The following RELN variants were observed in gnomAD, a reference collection of about 807,000 sequenced individuals.
RELN encodes the protein reelin.
In RELN, 108 loss-of-function variants were observed where a neutral mutation model predicts 427.6. The ratio of observed to expected loss-of-function variants is 0.25; its 90% CI spans 0.22 to 0.30. The LOEUF (loss-of-function observed/expected upper bound fraction) is 0.30, where lower values mean the gene tolerates loss of function less well. Among genes scored for constraint, RELN ranks in the 10% least tolerant of loss-of-function variants. The pLI is 1.00. For synonymous variants in RELN, 1,524 were observed against 1,513.4 expected (o/e 1.01, Z -0.16); for missense variants, 3,715 against 4,302.8 (o/e 0.86, Z 3.82).
chr7:103,871,177 C>T (rs541043175), intron 2 of RELN, among the ~76,000 whole-genome samples: 6 of 152,200 alleles, frequency 3.9e-5, no homozygotes, highest in African/African-American at 1.4e-4. Context: ...AAATTTAGTA[C>T]TCAATTAAAG....
intron 2 of RELN, among the ~76,000 whole-genome samples, chr7:103,903,967 G>A (rs1040025974): frequency 2.6e-5 from 4 of 151,758 alleles, no homozygotes; most frequent in Non-Finnish European, 4.4e-5. Flanking sequence ...TAAGCTCCAC[G>A]TACATTAGCT....
intron 3 of RELN, among the ~76,000 whole-genome samples, chr7:103,804,635 A>T (rs1046919457): frequency 6.6e-6 from 1 of 152,208 alleles, no homozygotes; most frequent in Admixed American, 6.5e-5. Flanking sequence ...CAAATTATTT[A>T]TAAGGAATAA....
chr7:103,550,701 T>C (rs530959372), intron 41 of RELN, among the ~76,000 whole-genome samples: 38 of 151,046 alleles, frequency 2.5e-4, no homozygotes, highest in Non-Finnish European at 4.9e-4. Context: ...ATGACAGACA[T>C]AGGCAGGTGT....
chr7:103,707,741 C>A (rs1042409955), intron 8 of RELN, among the ~76,000 whole-genome samples: 37 of 152,252 alleles, frequency 2.4e-4, no homozygotes, highest in African/African-American at 8.7e-4. Flanking sequence ...TTGTGTTCCA[C>A]CCACCTCAGC....
Position 103,743,106 on chromosome 7 carries a change from T to C in RELN, c.656+6320A>G, listed in dbSNP as rs532431763. On this transcript the variant is annotated intron_variant, in intron 6 of 64. Transcript: ENST00000428762. ...AGCCAGAAGAGAGTGGGGGCCAATA[T>C]TCAACATTCTTAAAGAAAAGAATTT... is the stretch of plus-strand genomic sequence containing the variant. 5.5e-4 allele frequency among the ~76,000 whole-genome samples: 83 copies of C among 150,226 alleles called. 2 individuals carry two copies. Among genetic ancestry groups the C allele is most frequent in the African/African-American group, 2.1e-3 (83 of 39,754 alleles).
At chr7:103,516,151 G>A (rs1026877405) in intron 49 of RELN, among the ~76,000 whole-genome samples, 3 of 152,094 alleles carry the variant, frequency 2.0e-5, no homozygotes, top group African/African-American at 4.8e-5. Context: ...TAGAAATAAG[G>A]TCTAAAATGC....
At chr7:103,967,806 C>G (rs1169451242) in intron 1 of RELN, among the ~76,000 whole-genome samples, 1 of 152,200 alleles carries the variant, frequency 6.6e-6, no homozygotes, top group Admixed American at 6.5e-5. Flanking sequence ...CCATTTCCCT[C>G]TCCTTTCCTG....
chr7:103,765,772 A>G (rs1365690378), intron 4 of RELN, among the ~76,000 whole-genome samples: 1 of 152,088 alleles, frequency 6.6e-6, no homozygotes, highest in Non-Finnish European at 1.5e-5. Context: ...ACCCAAAATA[A>G]CTCAATGTAA....
At chr7:103,704,866 C>T (rs1288758208) in intron 8 of RELN, among the ~76,000 whole-genome samples, 1 of 152,146 alleles carries the variant, frequency 6.6e-6, no homozygotes. Context: ...TCAGTTGAAA[C>T]CACTCTTGGC....
At position 103,977,310 on chromosome 7, in the gene RELN, CAAAAAAAAAAAA is replaced by C. The variant is rs201026012; in HGVS notation, c.226+11809_226+11820del. The stretch of plus-strand genomic sequence containing the variant: ...TGGGTGACAGAGTGAGACTCTGTCT[CAAAAAAAAAAAA>C]AAAAAAAAAAAAAAAAATTCCCTGG... On this transcript the variant is annotated intron_variant, in intron 1 of 64. Transcript: ENST00000428762. Among the ~76,000 whole-genome samples the C allele has an allele frequency of 1.2e-4, 11 of 88,276 alleles. 1 individual carries two copies. Among genetic ancestry groups the C allele is most frequent in the South Asian group, 4.4e-4 (1 of 2,270 alleles). 57.9% of individuals were successfully genotyped at this position (88,276 alleles called of 152,430 possible). A position where few individuals can be genotyped will look rare whatever the true frequency, so the allele number is the denominator to read the frequency against.
intron 38 of RELN, among the ~76,000 whole-genome samples, chr7:103,555,606 G>A (rs1215056342): frequency 6.6e-6 from 1 of 152,042 alleles, no homozygotes; most frequent in Non-Finnish European, 1.5e-5. Flanking sequence ...CAAGTAGCTG[G>A]GATTACAGGT....
chr7:103,719,881 A>G (rs751781271), intron 8 of RELN, among the ~76,000 whole-genome samples: 7 of 152,204 alleles, frequency 4.6e-5, no homozygotes, highest in Admixed American at 2.0e-4. Context: ...GAATGGAAAA[A>G]TGAAAAGTTC....
chr7:103,886,385 G>C (rs79620262), intron 2 of RELN, among the ~76,000 whole-genome samples: 1 of 152,076 alleles, frequency 6.6e-6, no homozygotes, highest in Non-Finnish European at 1.5e-5. Flanking sequence ...ATTCTTCATC[G>C]TGGGAAGTTT....
chr7:103,547,896 G>C (rs927828444), intron 41 of RELN, among the ~76,000 whole-genome samples: 1 of 152,104 alleles, frequency 6.6e-6, no homozygotes, highest in African/African-American at 2.4e-5. Context: ...TAGGCTGAAG[G>C]GTCTGGTTTC....
chr7:103,640,628 G>T lies in RELN; in HGVS notation c.2003-19C>A. 1 of 1,612,870 alleles carries T rather than the reference G, an allele frequency of 6.2e-7. No individual in the cohort carries two copies. On this transcript the variant is annotated intron_variant, in intron 16 of 64. Transcript: ENST00000428762. This position sits in a 1 kb window ranked among gnomAD's most constrained non-coding sequence, Gnocchi z 4.1. Reference sequence around the variant, plus strand: ...ATATAAACTGTGGGAGGGAAAAAGAGAACATAATTACAAAAACATAGAACA... The same window carrying T: ...ATATAAACTGTGGGAGGGAAAAAGATAACATAATTACAAAAACATAGAACA...
intron 4 of RELN, among the ~76,000 whole-genome samples, chr7:103,763,001 G>A (rs1267804182): frequency 6.6e-6 from 1 of 152,162 alleles, no homozygotes; most frequent in East Asian, 1.9e-4. Flanking sequence ...TACAGAAATA[G>A]AAGAGTTCAT....
At position 103,635,561 on chromosome 7, in the gene RELN, C is replaced by A; in HGVS notation, c.2329G>T (p.Gly777Trp). ...SRFLQFTLRL[G>W]SKSVLSTCRA... ...CACGTGCTCAGAACAGATTTGCTCC[C>A]CAGTCTCAGTGTGAACTGGAGAAAC... is the stretch of plus-strand genomic sequence containing the variant. The change falls in exon 19 of 65, where the codon GGG becomes TGG. Residue 777 changes from glycine (G) to tryptophan (W), a missense_variant. Gly to Trp is a radical substitution (Grantham distance 184). Coordinates refer to ENST00000428762, the MANE Select transcript of RELN (RefSeq NM_005045.4). 6.2e-7 allele frequency: 1 copy of A among 1,613,910 alleles called. No individual in the cohort carries two copies. Among genetic ancestry groups the A allele is most frequent in the Non-Finnish European group, 8.5e-7 (1 of 1,179,878 alleles).
intron 1 of RELN, among the ~76,000 whole-genome samples, chr7:103,960,200 T>C (rs1032993992): frequency 1.4e-4 from 22 of 152,228 alleles, no homozygotes; most frequent in Admixed American, 8.5e-4. Context: ...TCTACATTAT[T>C]GGCTCTGTCC....
At chr7:103,660,216 C>T (rs1340493090) in intron 12 of RELN, among the ~76,000 whole-genome samples, 1 of 152,012 alleles carries the variant, frequency 6.6e-6, no homozygotes, top group Non-Finnish European at 1.5e-5. Flanking sequence ...GGCTGGCATA[C>T]TAAATGTTTA....
Sources: allele counts gnomAD v4.1 joint callset (sites outside exome capture counted in the v4.1 genomes callset), GRCh38; gene constraint gnomAD v4.1.1; non-coding constraint Gnocchi (gnomAD v3.1); transcripts MANE v1.5; gene names NCBI Gene and HGNC (gene_info 2026-07-23, HGNC 2026-07-21).